Variants in STOX2 observed in about 807,000 individuals in gnomAD.
STOX2 encodes storkhead box 2.
Under a neutral mutation model 60.9 loss-of-function variants are expected in STOX2, and 28 were observed. The ratio of observed to expected loss-of-function variants is 0.46; its 90% CI spans 0.34 to 0.63. The LOEUF (loss-of-function observed/expected upper bound fraction) is 0.63. STOX2 is among the 30% of genes least tolerant of loss of function. The pLI is 0.01. For missense variants in STOX2, 1,024 were observed against 1,187.7 expected (o/e 0.86, Z 2.03); for synonymous variants, 472 against 463.9 (o/e 1.02, Z -0.22).
chr4:183,973,881 C>T (rs1415740989), intron 1 of STOX2, among the ~76,000 whole-genome samples: 5 of 152,176 alleles, frequency 3.3e-5, no homozygotes, highest in Non-Finnish European at 7.3e-5. Flanking sequence ...GTAGTCCCAG[C>T]TACTCAGGAG....
intron 1 of STOX2, among the ~76,000 whole-genome samples, chr4:183,951,292 TAGG>T (rs905094125): frequency 7.9e-5 from 12 of 151,626 alleles, no homozygotes; most frequent in African/African-American, 2.7e-4. Context: ...TGAGGCACTT[TAGG>T]AGCTCATTCT....
chr4:183,883,855 A>G (rs192482161), intron 1 of STOX2, among the ~76,000 whole-genome samples: 8 of 101,522 alleles, frequency 7.9e-5, no homozygotes, highest in Admixed American at 4.3e-4. Context: ...AGTAAATTTT[A>G]TTTTATTTTT....
At chr4:183,807,630 AG>A (rs1477026444) in intron 1 of STOX2, among the ~76,000 whole-genome samples, 1 of 152,142 alleles carries the variant, frequency 6.6e-6, no homozygotes, top group African/African-American at 2.4e-5. Context: ...CCCCACTCCC[AG>A]CTCAGCTTCT....
rs749433016 is a variant in STOX2 at position 184,009,914 on chromosome 4, A to T, written c.1076A>T (p.Lys359Met). ...SSAHHSGRSK[K>M]SRTHRKSHGK... is the part of the protein sequence containing the mutation. ...GCCCATCACAGCGGAAGGAGTAAAA[A>T]GAGTAGGACTCATCGGAAGTCCCAT... Residue 359 changes from lysine to methionine, a missense_variant, in exon 3 of 4, where the codon AAG (lysine) becomes ATG (methionine). Transcript: ENST00000308497. The surrounding 1 kb of genome is among the most constrained non-coding windows in gnomAD (Gnocchi z 4.0). The T allele has an allele frequency of 1.2e-6, 2 of 1,612,900 alleles. No homozygotes were observed. The highest frequency in any genetic ancestry group is 1.7e-6 in the Non-Finnish European group (2 of 1,179,422).
intron 1 of STOX2, among the ~76,000 whole-genome samples, chr4:183,850,948 G>A (rs556231611): frequency 7.1e-6 from 1 of 141,114 alleles, no homozygotes; most frequent in African/African-American, 2.6e-5. Context: ...GGGAAAGGAT[G>A]AGGGAAACGA....
At chr4:183,888,642 C>T (rs936232219) in intron 1 of STOX2, among the ~76,000 whole-genome samples, 3 of 152,178 alleles carry the variant, frequency 2.0e-5, no homozygotes, top group Admixed American at 6.5e-5. Flanking sequence ...TTGCCAATCC[C>T]GTGGTTACTT....
intron 1 of STOX2, among the ~76,000 whole-genome samples, chr4:183,919,351 G>A (rs1398992966): frequency 5.3e-5 from 8 of 152,338 alleles, no homozygotes; most frequent in Admixed American, 4.6e-4. Context: ...CCAGGGCAGC[G>A]CGGTGGAGTG....
chr4:183,924,898 C>G (rs1247268534), intron 1 of STOX2, among the ~76,000 whole-genome samples: 1 of 152,142 alleles, frequency 6.6e-6, no homozygotes, highest in Non-Finnish European at 1.5e-5. Flanking sequence ...ATGCGTAGAC[C>G]TCCCTTAGAG....
At chr4:183,882,425 G>C (rs1402266655) in intron 1 of STOX2, among the ~76,000 whole-genome samples, 3 of 152,200 alleles carry the variant, frequency 2.0e-5, no homozygotes, top group African/African-American at 7.2e-5. Flanking sequence ...CAGTGGGTCG[G>C]TTAATCCCGG....
At chr4:183,915,119 C>T (rs1218998394) in intron 1 of STOX2, among the ~76,000 whole-genome samples, 1 of 152,198 alleles carries the variant, frequency 6.6e-6, no homozygotes, top group Non-Finnish European at 1.5e-5. Context: ...ATGGCCCCTC[C>T]AGGCCAAGTT....
chr4:183,989,405 T>C (rs1733002043), intron 1 of STOX2, among the ~76,000 whole-genome samples: 1 of 152,118 alleles, frequency 6.6e-6, no homozygotes, highest in Admixed American at 6.5e-5. Context: ...TTTCTCCACA[T>C]TGGTTAGGCT....
chr4:183,993,556 G>T (rs1325721944), intron 1 of STOX2, among the ~76,000 whole-genome samples: 1 of 152,166 alleles, frequency 6.6e-6, no homozygotes, highest in East Asian at 1.9e-4. Context: ...CTTAGGAATT[G>T]GACCTGCTTT....
At chr4:183,802,213 T>A (rs1579281906) in intron 1 of STOX2, among the ~76,000 whole-genome samples, 1 of 152,254 alleles carries the variant, frequency 6.6e-6, no homozygotes, top group East Asian at 1.9e-4. Context: ...TCAGACCAAA[T>A]ACACTTTTTT....
intron 1 of STOX2, among the ~76,000 whole-genome samples, chr4:183,851,261 GGAT>G (rs1288660378): frequency 1.4e-5 from 1 of 72,668 alleles, no homozygotes; most frequent in East Asian, 3.3e-4. Flanking sequence ...ATGAGAGAAA[GGAT>G]GAGAGAAACG....
chr4:183,851,624 G>GGAAAGGATGAGGGAAAGGATGAGA (rs1740141127), intron 1 of STOX2, among the ~76,000 whole-genome samples: 1 of 108,622 alleles, frequency 9.2e-6, no homozygotes, highest in Non-Finnish European at 1.9e-5. Flanking sequence ...AAAGGATGAG[G>GGAAAGGATGAGGGAAAGGATGAGA]GAAAGGATGA....
intron 1 of STOX2, among the ~76,000 whole-genome samples, chr4:183,945,826 A>T (rs1579449766): frequency 6.6e-6 from 1 of 152,276 alleles, no homozygotes; most frequent in Non-Finnish European, 1.5e-5. Flanking sequence ...TTTTGCTGGG[A>T]TACATCATTT....
chr4:183,873,103 G>A (rs113933574), intron 1 of STOX2, among the ~76,000 whole-genome samples: 1,775 of 152,126 alleles, frequency 0.012, 35 homozygotes, highest in African/African-American at 0.041. Context: ...ATGTCCTGTT[G>A]GTATGTTCAG....
At chr4:183,938,995 A>C (rs1742674377) in intron 1 of STOX2, among the ~76,000 whole-genome samples, 1 of 152,242 alleles carries the variant, frequency 6.6e-6, no homozygotes, top group Non-Finnish European at 1.5e-5. Context: ...CCATTAATAA[A>C]ATCTATCCAA....
intron 1 of STOX2, among the ~76,000 whole-genome samples, chr4:183,966,840 C>T (rs1455667733): frequency 6.6e-6 from 1 of 152,082 alleles, no homozygotes; most frequent in Middle Eastern, 3.2e-3. Flanking sequence ...TTTTCTTTTC[C>T]TTGATAGAAC....
Sources: gnomAD v4.1 joint callset for allele counts (sites outside exome capture counted in the v4.1 genomes callset) on GRCh38, gnomAD v4.1.1 for gene constraint, Gnocchi (gnomAD v3.1) non-coding constraint, MANE v1.5 for transcripts, NCBI Gene and HGNC (gene_info 2026-07-23, HGNC 2026-07-21) for gene names.